OTULIN: variants seen among roughly 807,000 people sequenced by gnomAD.
OTULIN encodes OTU deubiquitinase with linear linkage specificity.
A neutral mutation model predicts 39.6 loss-of-function variants in OTULIN; 15 were observed. The ratio of observed to expected loss-of-function variants is 0.38; its 90% CI spans 0.25 to 0.58. The LOEUF is 0.58. Ranked by LOEUF, OTULIN falls within the 20% of genes least tolerant of loss-of-function variation. The pLI is 0.66. For missense variants in OTULIN, 319 were observed against 445.9 expected (o/e 0.72, Z 2.56); for synonymous variants, 156 against 170.3 (o/e 0.92, Z 0.65).
downstream of OTULIN, among the ~76,000 whole-genome samples, chr5:14,702,950 C>G (rs559955088): frequency 6.6e-6 from 1 of 152,126 alleles, no homozygotes; most frequent in Admixed American, 6.5e-5. Context: ...GAAGCACTTC[C>G]ATGTGGCTTA....
rs1736248803 is a variant in OTULIN, at chr5:14,681,500, C to A, written c.361C>A (p.Arg121=). The stretch of plus-strand genomic sequence containing the variant: ...GGTTTCTCAGAAGTTCACCTCCATA[C>A]GGCGAGTCCGTGGTGATAATTACTG... ...EEVSQKFTSI[R]RVRGDNYCAL... is the part of the protein sequence containing the mutation. Residue 121 remains arginine, a synonymous_variant, in exon 4 of 7, where the codon CGG becomes AGG. Coordinates refer to ENST00000284274, the MANE Select transcript of OTULIN (RefSeq NM_138348.6). 6.2e-7 allele frequency: 1 copy of A among 1,613,572 alleles called. No individual in the cohort carries two copies. The highest frequency in any genetic ancestry group is 1.3e-5 in the African/African-American group (1 of 74,922).
Position 14,673,727 on chromosome 5 carries a change from G to A in OTULIN, c.229+9G>A, listed in dbSNP as rs1249566065. On this transcript the variant is annotated intron_variant, in intron 2 of 6. Transcript: ENST00000284274. ...TGAAAGAGGGGCATCAGGTATGTTT[G>A]GAATTGTTTTATTTATAGAGTTCTT... is the stretch of plus-strand genomic sequence containing the variant. 4.3e-6 allele frequency: 7 copies of A among 1,610,910 alleles called. No individual in the cohort carries two copies. The highest frequency in any genetic ancestry group is 5.1e-6 in the Non-Finnish European group (6 of 1,178,178).
chr5:14,709,695 A>G, the OTULIN span: 1 of 152,628 alleles, frequency 6.6e-6, no homozygotes, highest in East Asian at 1.9e-4. Context: ...TCTGTCATTT[A>G]CTGAGCCTTA....
At position 14,693,093 on chromosome 5, in the gene OTULIN, A is replaced by G. The variant is rs1459234261; in HGVS notation, c.*45A>G. On this transcript the variant is annotated 3_prime_UTR_variant, in exon 7 of 7. Coordinates refer to ENST00000284274, the MANE Select transcript of OTULIN (RefSeq NM_138348.6). Reference sequence around the variant, plus strand: ...GCCTGGCGACGTGGCGAAGATGCACAGGTGGCTCCTGGGCTTGGGCTGCAG... The same window carrying G: ...GCCTGGCGACGTGGCGAAGATGCACGGGTGGCTCCTGGGCTTGGGCTGCAG... 2.0e-6 allele frequency: 3 copies of G among 1,536,352 alleles called. No homozygotes were observed. Among genetic ancestry groups the G allele is most frequent in the Admixed American group, 1.9e-5 (1 of 51,580 alleles).
chr5:14,702,759 A>G (rs989348767), downstream of OTULIN, among the ~76,000 whole-genome samples: 5 of 152,144 alleles, frequency 3.3e-5, no homozygotes, highest in Non-Finnish European at 7.4e-5. Context: ...CCCGATGAGA[A>G]TTTGAGGTGT....
chr5:14,678,586 AAAATG>A, intron 2 of OTULIN, 90 bp from the exon 3 acceptor site: 1 of 883,454 alleles, frequency 1.1e-6, no homozygotes, highest in South Asian at 2.0e-5. Context: ...GTGAAGAAAG[AAAATG>A]AAGAGTGAAG....
At chr5:14,701,044 T>A (rs1367361310), downstream of OTULIN, among the ~76,000 whole-genome samples, 1 of 152,210 alleles carries the variant, frequency 6.6e-6, no homozygotes, top group Non-Finnish European at 1.5e-5. Context: ...AGCAGAGATC[T>A]CAGCCCTCCA....
At position 14,693,254 on chromosome 5, in the gene OTULIN, AT is replaced by A. The variant is rs1317132961; in HGVS notation, c.*209del. The A allele has an allele frequency of 9.5e-6, 5 of 524,692 alleles. No homozygotes were observed. Among genetic ancestry groups the A allele is most frequent in the Non-Finnish European group, 1.7e-5 (5 of 295,868 alleles). 32.5% of individuals were successfully genotyped at this position (524,692 alleles called of 1,614,324 possible). A position where few individuals can be genotyped will look rare whatever the true frequency, so the allele number is the denominator to read the frequency against. On this transcript the variant is annotated 3_prime_UTR_variant, in exon 7 of 7. Transcript: ENST00000284274. ...TTTCCCCTCATCTATGATGCAATAT[AT>A]TTCAGTGGGGGCCTTCAGAGCACAC...
the OTULIN span, chr5:14,708,771 C>T: frequency 6.6e-6 from 1 of 152,212 alleles, no homozygotes; most frequent in African/African-American, 2.4e-5. Context: ...CCTGTGTTCT[C>T]AGAAACTCTA....
At chr5:14,703,871 A>C (rs1045375319), downstream of OTULIN, among the ~76,000 whole-genome samples, 1 of 152,216 alleles carries the variant, frequency 6.6e-6, no homozygotes, top group Non-Finnish European at 1.5e-5. Context: ...GGATTTTAAC[A>C]AAAGGAGCAG....
rs1226084138 is a variant in OTULIN at position 14,695,949 on chromosome 5, A to G, written c.*2901A>G. 1 of 150,746 alleles carries G rather than the reference A, an allele frequency of 6.6e-6. No individual in the cohort carries two copies. The highest frequency in any genetic ancestry group is 2.4e-5 in the African/African-American group (1 of 41,164). The allele number at this position is 150,746 out of a possible 1,614,324, so 9.3% of individuals were successfully genotyped here. A position where few individuals can be genotyped will look rare whatever the true frequency, so the allele number is the denominator to read the frequency against. On this transcript the variant is annotated 3_prime_UTR_variant, in exon 7 of 7. Coordinates refer to ENST00000284274, the MANE Select transcript of OTULIN (RefSeq NM_138348.6). ...CTATTATATATTCAGTTAGTGTCTG[A>G]TAAGATTTTCTTTGCTTAAGGAGAA...
chr5:14,710,652 G>A, the OTULIN span: 365 of 165,924 alleles, frequency 2.2e-3, 1 homozygote, highest in African/African-American at 8.3e-3. Flanking sequence ...CCCGCCTCCT[G>A]CATGTGTGGA....
chr5:14,668,829 GC>G (rs1251079996), intron 1 of OTULIN, among the ~76,000 whole-genome samples: 1 of 152,192 alleles, frequency 6.6e-6, no homozygotes, highest in Non-Finnish European at 1.5e-5. Flanking sequence ...TCACAGAAAT[GC>G]CTTCGGCTTC....
intron 1 of OTULIN, among the ~76,000 whole-genome samples, chr5:14,671,783 T>C (rs1466964095): frequency 6.6e-6 from 1 of 152,164 alleles, no homozygotes. Context: ...AAATAAAAAT[T>C]GATAATTGGT....
Position 14,685,206 on chromosome 5 carries a change from G to A in OTULIN, c.469-2315G>A, listed in dbSNP as rs188278750. On this transcript the variant is annotated intron_variant, in intron 4 of 6. Coordinates refer to ENST00000284274, the MANE Select transcript of OTULIN (RefSeq NM_138348.6). ...ATAGACTGTGTATCAAAATTTTTTT[G>A]TAAGTTTTGGGGATGACACATTTTT... Among the ~76,000 whole-genome samples, 65 of 152,260 alleles carry A rather than the reference G, an allele frequency of 4.3e-4. No homozygotes were observed. In the East Asian group the frequency reaches 0.012, roughly 28 times the overall value.
intron 4 of OTULIN, among the ~76,000 whole-genome samples, chr5:14,687,033 C>G (rs1736403475): frequency 6.6e-6 from 1 of 152,130 alleles, no homozygotes; most frequent in Non-Finnish European, 1.5e-5. Flanking sequence ...CTTTTTCTAC[C>G]TTTTTTTGGT....
At chr5:14,685,157 G>A (rs1461770532) in intron 4 of OTULIN, among the ~76,000 whole-genome samples, 1 of 152,232 alleles carries the variant, frequency 6.6e-6, no homozygotes, top group East Asian at 1.9e-4. Context: ...TGGTTAGACT[G>A]TGACAGTGTT....
At chr5:14,686,885 C>A (rs950303223) in intron 4 of OTULIN, among the ~76,000 whole-genome samples, 5 of 152,182 alleles carry the variant, frequency 3.3e-5, no homozygotes, top group Non-Finnish European at 7.3e-5. Context: ...ACTAAGTGAG[C>A]ACAGCTCACT....
the OTULIN span, chr5:14,705,481 G>T: frequency 1.3e-5 from 2 of 152,206 alleles, no homozygotes; most frequent in East Asian, 3.8e-4. Context: ...GCCAAGAAGC[G>T]TGAGTGATAT....
Sources: gnomAD v4.1 joint callset for allele counts (sites outside exome capture counted in the v4.1 genomes callset) on GRCh38, gnomAD v4.1.1 for gene constraint, MANE v1.5 for transcripts, NCBI Gene and HGNC (gene_info 2026-07-23, HGNC 2026-07-21) for gene names.